The following TUSC3 variants were observed in gnomAD, a reference collection of about 807,000 sequenced individuals.
The protein encoded by TUSC3 is tumor suppressor candidate 3.
Under a neutral mutation model 44.8 loss-of-function variants are expected in TUSC3, and 45 were observed. The observed-to-expected ratio is 1.00, with a 90% CI of 0.79 to 1.29. The LOEUF (loss-of-function observed/expected upper bound fraction) is 1.29. Ranked by LOEUF, TUSC3 falls within the 50% of genes most tolerant of loss-of-function variation. The probability of loss-of-function intolerance (pLI) is 0.00; values close to 1 mark genes in which losing one functional copy is unlikely to be tolerated. For missense variants in TUSC3, 519 were observed against 437.9 expected (o/e 1.19, Z -1.65); for synonymous variants, 212 against 152.9 (o/e 1.39, Z -2.85).
At chr8:15,443,336 T>TTGTGTGTGTGTGTGTGTG (rs57905950) in intron 1 of TUSC3, among the ~76,000 whole-genome samples, 3 of 132,884 alleles carry the variant, frequency 2.3e-5, no homozygotes, top group Admixed American at 7.7e-5. Context: ...ACCCACCTAA[T>TTGTGTGTGTGTGTGTGTG]TGTGTGTGTG....
intron 1 of TUSC3, among the ~76,000 whole-genome samples, chr8:15,435,485 AT>A (rs1799934235): frequency 6.6e-6 from 1 of 152,220 alleles, no homozygotes; most frequent in South Asian, 2.1e-4. Flanking sequence ...AATAACATTG[AT>A]GATGCATGCA....
At chr8:15,615,031 C>T (rs1340487097) in intron 1 of TUSC3, among the ~76,000 whole-genome samples, 1 of 151,194 alleles carries the variant, frequency 6.6e-6, no homozygotes, top group African/African-American at 2.4e-5. Flanking sequence ...TTAGTACAGC[C>T]ATTATGGAAA....
intron 2 of TUSC3, among the ~76,000 whole-genome samples, chr8:15,515,934 G>C (rs1211811313): frequency 6.6e-6 from 1 of 152,056 alleles, no homozygotes; most frequent in African/African-American, 2.4e-5. Flanking sequence ...CTCCTAAAGT[G>C]CTGGGATTAG....
the TUSC3 span, among the ~76,000 whole-genome samples, chr8:15,799,794 A>G: frequency 6.6e-6 from 1 of 152,200 alleles, no homozygotes; most frequent in South Asian, 2.1e-4. Flanking sequence ...GCAAGCTAAC[A>G]AGTGTGCCTG....
chr8:15,840,393 A>T, the TUSC3 span, among the ~76,000 whole-genome samples: 1 of 151,792 alleles, frequency 6.6e-6, no homozygotes, highest in East Asian at 1.9e-4. Flanking sequence ...AAATAAATCA[A>T]TAAATAACCA....
intron 1 of TUSC3, among the ~76,000 whole-genome samples, chr8:15,573,036 G>A (rs1017081672): frequency 6.6e-6 from 1 of 151,822 alleles, no homozygotes; most frequent in Non-Finnish European, 1.5e-5. Flanking sequence ...CACCCATAGA[G>A]TTGCTTAATG....
At chr8:15,547,031 G>C (rs925598425) in intron 1 of TUSC3, among the ~76,000 whole-genome samples, 2 of 151,492 alleles carry the variant, frequency 1.3e-5, no homozygotes, top group African/African-American at 2.4e-5. Flanking sequence ...ACAGAAAAAA[G>C]TTAAAAATAT....
chr8:15,523,569 A>G (rs894395697), intron 2 of TUSC3, among the ~76,000 whole-genome samples: 1 of 150,620 alleles, frequency 6.6e-6, no homozygotes, highest in Non-Finnish European at 1.5e-5. Context: ...TTTTGCTTAA[A>G]TAATAAATGC....
intron 1 of TUSC3, among the ~76,000 whole-genome samples, chr8:15,572,386 A>G (rs776099599): frequency 7.9e-5 from 12 of 152,148 alleles, no homozygotes; most frequent in Non-Finnish European, 1.6e-4. Flanking sequence ...ATTGGATTGA[A>G]GAGACTTAGG....
At chr8:15,734,298 T>A (rs1810844310) in intron 7 of TUSC3, among the ~76,000 whole-genome samples, 1 of 152,190 alleles carries the variant, frequency 6.6e-6, no homozygotes, top group South Asian at 2.1e-4. Flanking sequence ...GAAAAAATCA[T>A]AAGAGAAAAC....
At chr8:15,507,968 G>A (rs1225379378) in intron 2 of TUSC3, among the ~76,000 whole-genome samples, 1 of 152,148 alleles carries the variant, frequency 6.6e-6, no homozygotes, top group African/African-American at 2.4e-5. Flanking sequence ...GAGGCCAGAT[G>A]CAGTAGCTCA....
At chr8:15,451,980 A>C (rs1286826960) in intron 1 of TUSC3, among the ~76,000 whole-genome samples, 1 of 152,142 alleles carries the variant, frequency 6.6e-6, no homozygotes, top group Non-Finnish European at 1.5e-5. Flanking sequence ...CTTTCCACAT[A>C]AAAGGCAGCC....
At chr8:15,460,154 G>A (rs753356524) in intron 1 of TUSC3, among the ~76,000 whole-genome samples, 13 of 152,060 alleles carry the variant, frequency 8.5e-5, no homozygotes, top group Admixed American at 1.3e-4. Flanking sequence ...ATTCCCAACA[G>A]GAGTGTAGAA....
At chr8:15,683,117 C>T (rs749261293) in intron 6 of TUSC3, among the ~76,000 whole-genome samples, 7 of 152,124 alleles carry the variant, frequency 4.6e-5, no homozygotes, top group Non-Finnish European at 1.0e-4. Context: ...AGGCTGATGA[C>T]TATTTGCCTT....
chr8:15,493,440 T>A (rs1343783933), intron 2 of TUSC3, among the ~76,000 whole-genome samples: 2 of 152,044 alleles, frequency 1.3e-5, no homozygotes, highest in African/African-American at 4.8e-5. Flanking sequence ...TTTTTGTATT[T>A]TTTGCATAGA....
chr8:15,573,198 CTCTCTA>C (rs1284940839), intron 1 of TUSC3, among the ~76,000 whole-genome samples: 196 of 101,536 alleles, frequency 1.9e-3, no homozygotes, highest in African/African-American at 3.2e-3. Flanking sequence ...CTCTCTCTCT[CTCTCTA>C]TATATATATA....
intron 6 of TUSC3, among the ~76,000 whole-genome samples, chr8:15,723,460 G>A (rs1314226556): frequency 1.3e-5 from 2 of 152,168 alleles, no homozygotes; most frequent in African/African-American, 2.4e-5. Flanking sequence ...CACAAGATAT[G>A]TGCAGCCTCT....
intron 2 of TUSC3, among the ~76,000 whole-genome samples, chr8:15,499,759 C>T (rs560655038): frequency 1.3e-5 from 2 of 152,234 alleles, no homozygotes; most frequent in African/African-American, 2.4e-5. Flanking sequence ...TGAGCTGAGA[C>T]ATCAGTCTTC....
intron 2 of TUSC3, among the ~76,000 whole-genome samples, chr8:15,522,669 C>T (rs563585073): frequency 6.6e-6 from 1 of 152,028 alleles, no homozygotes; most frequent in South Asian, 2.1e-4. Context: ...CCTACTCCAT[C>T]TCTACAGAAA....
Sources: allele counts gnomAD v4.1 joint callset (sites outside exome capture counted in the v4.1 genomes callset), GRCh38; gene constraint gnomAD v4.1.1; transcripts MANE v1.5; gene names NCBI Gene and HGNC (gene_info 2026-07-23, HGNC 2026-07-21).